Variants in SGK3 observed in about 807,000 individuals in gnomAD.
SGK3 encodes the protein serum/glucocorticoid regulated kinase family member 3, also known as serine/threonine-protein kinase Sgk3.
A neutral mutation model predicts 68.5 loss-of-function variants in SGK3; 47 were observed. The observed-to-expected ratio is 0.69, with a 90% CI of 0.54 to 0.87. SGK3 has a LOEUF of 0.87. Among genes scored for constraint, SGK3 ranks in the 40% least tolerant of loss-of-function variants. The pLI is 0.00. For synonymous variants in SGK3, 181 were observed against 189.1 expected (o/e 0.96, Z 0.35); for missense variants, 479 against 575.5 (o/e 0.83, Z 1.72).
Position 66,840,222 on chromosome 8 carries a change from CA to C in SGK3, c.867del (p.Glu290LysfsTer8). The C allele has an allele frequency of 6.3e-7, 1 of 1,588,912 alleles. No individual in the cohort carries two copies. Among genetic ancestry groups the C allele is most frequent in the African/African-American group, 1.4e-5 (1 of 73,714 alleles). On this transcript the variant is annotated frameshift_variant, in exon 12 of 17. Transcript: ENST00000521198. LOFTEE classifies it high-confidence loss of function. ...TTTTAATTTGATAGAGACTTGAAACCAGAAAATATTCTTTTGGATTCAGTAG... is the reference window on the plus strand; with the variant it reads ...TTTTAATTTGATAGAGACTTGAAACCGAAAATATTCTTTTGGATTCAGTAG... ...SIKIVYRDLK[P>X]ENILLDSVGH...
chr8:66,822,291 C>T, intron 5 of SGK3, 81 bp from the exon 6 acceptor site: 8 of 1,271,606 alleles, frequency 6.3e-6, no homozygotes, highest in South Asian at 3.2e-5. Context: ...ATAGTTATTT[C>T]TATTTTGATT....
chr8:66,786,923 G>C (rs1236641878), intron 1 of SGK3, among the ~76,000 whole-genome samples: 1 of 86,680 alleles, frequency 1.2e-5, no homozygotes, highest in Admixed American at 1.4e-4. Context: ...GATTTTCTCT[G>C]TCTTTTTTTT....
At position 66,862,011 on chromosome 8, in the gene SGK3, C is replaced by T. The variant is rs1377762516; in HGVS notation, c.*2430C>T. The stretch of plus-strand genomic sequence containing the variant: ...AATCTATATAGTATAATAAAATCAG[C>T]AAAAAGATCAACTAATGTCTGTCAT... On this transcript the variant is annotated 3_prime_UTR_variant, in exon 17 of 17. Transcript: ENST00000521198. 2.0e-5 allele frequency: 3 copies of T among 151,956 alleles called. No homozygotes were observed. The highest frequency in any genetic ancestry group is 4.4e-5 in the Non-Finnish European group (3 of 67,962). 9.4% of individuals were successfully genotyped at this position (151,956 alleles called of 1,614,324 possible).
intron 3 of SGK3, among the ~76,000 whole-genome samples, chr8:66,802,645 T>C (rs1281751372): frequency 1.4e-5 from 2 of 140,520 alleles, no homozygotes; most frequent in Non-Finnish European, 3.0e-5. Flanking sequence ...GCCTGGGTGA[T>C]AGAGCAAGAC....
intron 6 of SGK3, among the ~76,000 whole-genome samples, chr8:66,822,759 C>T (rs1263974600): frequency 2.0e-5 from 3 of 152,184 alleles, no homozygotes; most frequent in African/African-American, 4.8e-5. Flanking sequence ...GCTGGGATTA[C>T]AGGCGCCTGC....
intron 1 of SGK3, among the ~76,000 whole-genome samples, chr8:66,740,880 C>T (rs10108088): frequency 7.1e-6 from 1 of 141,766 alleles, no homozygotes; most frequent in South Asian, 2.2e-4. Flanking sequence ...GCACTCCAGC[C>T]TGGGCGGCAG....
At chr8:66,830,455 G>T (rs773420548) in intron 7 of SGK3, among the ~76,000 whole-genome samples, 4 of 152,108 alleles carry the variant, frequency 2.6e-5, no homozygotes, top group Non-Finnish European at 4.4e-5. Context: ...ACGATTTTTT[G>T]ATGATTAAGC....
At chr8:66,735,504 A>G (rs181937953) in intron 1 of SGK3, among the ~76,000 whole-genome samples, 9 of 152,196 alleles carry the variant, frequency 5.9e-5, no homozygotes, top group Non-Finnish European at 8.8e-5. Context: ...GTTTCTGGGT[A>G]AGTGATTGTG....
intron 5 of SGK3, among the ~76,000 whole-genome samples, chr8:66,817,998 C>A (rs1190485379): frequency 6.6e-6 from 1 of 152,084 alleles, no homozygotes; most frequent in Non-Finnish European, 1.5e-5. Context: ...GTAGTCCCAA[C>A]TGCTCAGGAG....
chr8:66,725,105 T>C (rs1384325542), intron 1 of SGK3, among the ~76,000 whole-genome samples: 1 of 152,016 alleles, frequency 6.6e-6, no homozygotes, highest in Non-Finnish European at 1.5e-5. Flanking sequence ...GGCATCTGTA[T>C]GTAGTCCCAG....
rs1419574881 is a variant in SGK3, at chr8:66,839,535, ATATATATATATATATATATATATT to A, written c.742-466_742-443del. 5.6e-4 allele frequency among the ~76,000 whole-genome samples: 43 copies of A among 76,946 alleles called. 1 individual carries two copies. The highest frequency in any genetic ancestry group is 2.2e-3 in the African/African-American group (39 of 18,008). 50.5% of individuals were successfully genotyped at this position (76,946 alleles called of 152,430 possible). A position where few individuals can be genotyped will look rare whatever the true frequency, so the allele number is the denominator to read the frequency against. On this transcript the variant is annotated intron_variant, in intron 10 of 16. Coordinates refer to ENST00000521198, the MANE Select transcript of SGK3 (RefSeq NM_001033578.3). The stretch of plus-strand genomic sequence containing the variant: ...TATATATATATATATATATATATAT[ATATATATATATATATATATATATT>A]TTCATATGGGTTATATTTGTTCTGC...
At chr8:66,786,260 A>G (rs1178215043) in intron 1 of SGK3, among the ~76,000 whole-genome samples, 3 of 152,194 alleles carry the variant, frequency 2.0e-5, no homozygotes, top group African/African-American at 7.2e-5. Context: ...AAGCATGTAC[A>G]TGTGGTGGAG....
chr8:66,743,430 A>G (rs1325340223), intron 1 of SGK3, among the ~76,000 whole-genome samples: 2 of 152,240 alleles, frequency 1.3e-5, no homozygotes, highest in Non-Finnish European at 2.9e-5. Context: ...ACTTAAGGAC[A>G]GGGACTTCTC....
chr8:66,749,970 T>C (rs536300062), intron 1 of SGK3, among the ~76,000 whole-genome samples: 5 of 151,594 alleles, frequency 3.3e-5, no homozygotes, highest in African/African-American at 1.2e-4. Context: ...TGTGTGTATG[T>C]GTGTAAATCT....
chr8:66,762,804 A>G (rs1231926210), intron 1 of SGK3, among the ~76,000 whole-genome samples: 2 of 152,148 alleles, frequency 1.3e-5, no homozygotes, highest in Non-Finnish European at 2.9e-5. Flanking sequence ...AGCCTGTAGG[A>G]TCTCCCACTA....
intron 8 of SGK3, among the ~76,000 whole-genome samples, chr8:66,833,374 CCTAT>C (rs979560684): frequency 9.9e-5 from 15 of 152,116 alleles, no homozygotes; most frequent in East Asian, 1.9e-4. Flanking sequence ...TGTTCATTGG[CCTAT>C]CTGTTTATCC....
At chr8:66,836,251 T>C (rs1040921563) in intron 10 of SGK3, among the ~76,000 whole-genome samples, 177 bp downstream of exon 10, 3 of 152,212 alleles carry the variant, frequency 2.0e-5, no homozygotes, top group Non-Finnish European at 4.4e-5. Context: ...CTTTTAAGCA[T>C]ATGGTATAGT....
chr8:66,767,467 T>C, intron 1 of SGK3: 1 of 1,445,060 alleles, frequency 6.9e-7, no homozygotes, highest in Non-Finnish European at 9.7e-7. Flanking sequence ...TAAAGGAGAC[T>C]GCAACAGATT....
At chr8:66,800,762 A>T (rs1416693426) in intron 3 of SGK3, among the ~76,000 whole-genome samples, 1 of 152,240 alleles carries the variant, frequency 6.6e-6, no homozygotes, top group Non-Finnish European at 1.5e-5. Flanking sequence ...ACTACAATTT[A>T]AAAATATTTA....
Sources: allele counts gnomAD v4.1 joint callset (sites outside exome capture counted in the v4.1 genomes callset), GRCh38; gene constraint gnomAD v4.1.1; transcripts MANE v1.5; gene names NCBI Gene and HGNC (gene_info 2026-07-23, HGNC 2026-07-21).